SETD5: variants seen among roughly 807,000 people sequenced by gnomAD.
The protein encoded by SETD5 is SET domain containing 5.
A neutral mutation model predicts 153.3 loss-of-function variants in SETD5; 44 were observed. That is an observed-to-expected ratio of 0.29 (90% CI 0.23 to 0.37). The LOEUF is 0.37. SETD5 is among the 10% of genes least tolerant of loss of function. SETD5 has a pLI of 1.00. For synonymous variants in SETD5, 716 were observed against 645.2 expected, an observed-to-expected ratio of 1.11 and a Z score of -1.66; for missense variants, 1,544 against 1,768.0, an observed-to-expected ratio of 0.87 and a Z score of 2.27.
chr3:9,405,215 G>A (rs2035463128), intron 1 of SETD5, among the ~76,000 whole-genome samples: 1 of 152,086 alleles, frequency 6.6e-6, no homozygotes, highest in Non-Finnish European at 1.5e-5. Context: ...AATTTTCGTT[G>A]GCCGTTCACA....
intron 10 of SETD5, 29 bp downstream of exon 10, chr3:9,442,274 A>T: frequency 6.9e-7 from 1 of 1,453,388 alleles, no homozygotes; most frequent in Non-Finnish European, 9.6e-7. Flanking sequence ...CTTCCCTTTG[A>T]CTGGAACCAT....
chr3:9,449,193 A>T (rs150163993), intron 16 of SETD5, among the ~76,000 whole-genome samples: 1 of 152,162 alleles, frequency 6.6e-6, no homozygotes, highest in African/African-American at 2.4e-5. Flanking sequence ...TACAGAATCT[A>T]CCCTAAAAGA....
chr3:9,429,958 C>T, intron 3 of SETD5: 1 of 1,295,126 alleles, frequency 7.7e-7, no homozygotes, highest in South Asian at 1.3e-5. Context: ...CAGGCAGTAC[C>T]AGGGATTAGG....
intron 17 of SETD5, among the ~76,000 whole-genome samples, chr3:9,455,071 A>C (rs1308626941): frequency 6.6e-6 from 1 of 152,088 alleles, no homozygotes; most frequent in African/African-American, 2.4e-5. Context: ...TATTGCAACT[A>C]AAATCAGAAC....
chr3:9,460,677 A>C (rs1487452631), intron 17 of SETD5, among the ~76,000 whole-genome samples: 2 of 152,142 alleles, frequency 1.3e-5, no homozygotes, highest in Non-Finnish European at 2.9e-5. Context: ...ATATATTTCA[A>C]ATTAATAGGG....
chr3:9,446,205 T>C (rs1490071440), intron 13 of SETD5, among the ~76,000 whole-genome samples: 2 of 143,052 alleles, frequency 1.4e-5, no homozygotes, highest in Non-Finnish European at 3.0e-5. Context: ...GAGAATGGCA[T>C]GAACCTGGGA....
intron 16 of SETD5, among the ~76,000 whole-genome samples, chr3:9,452,368 A>G (rs1469044437): frequency 6.6e-6 from 1 of 152,242 alleles, no homozygotes; most frequent in Non-Finnish European, 1.5e-5. Flanking sequence ...GCTTTGGACA[A>G]GATGACTTCT....
At chr3:9,423,899 A>AT (rs1454769122) in intron 1 of SETD5, among the ~76,000 whole-genome samples, 8 of 152,162 alleles carry the variant, frequency 5.3e-5, no homozygotes, top group African/African-American at 1.9e-4. Context: ...TTTAAGCGCC[A>AT]TTTTTTAAGC....
intron 1 of SETD5, chr3:9,423,122 TTTTG>T (rs1262485412): frequency 2.0e-5 from 3 of 152,372 alleles, no homozygotes; most frequent in East Asian, 3.8e-4. Context: ...ATAAAACACT[TTTTG>T]TTTGTCTTCT....
intron 1 of SETD5, among the ~76,000 whole-genome samples, chr3:9,414,787 A>G (rs1395248540): frequency 6.6e-6 from 1 of 152,168 alleles, no homozygotes; most frequent in Non-Finnish European, 1.5e-5. Flanking sequence ...GAGGTCTTCA[A>G]TGGATTTGTT....
intron 7 of SETD5, 116 bp downstream of exon 7, chr3:9,436,022 T>C (rs2040521334): frequency 1.1e-6 from 1 of 913,578 alleles, no homozygotes; most frequent in Non-Finnish European, 1.7e-6. Context: ...AGGGCCACTT[T>C]TGTTCTACTT....
intron 2 of SETD5, among the ~76,000 whole-genome samples, chr3:9,428,188 G>A (rs572064083): frequency 1.3e-5 from 2 of 152,106 alleles, no homozygotes; most frequent in East Asian, 1.9e-4. Context: ...ATCTAGCAGC[G>A]TATTATTACC....
At position 9,477,628 on chromosome 3, in the gene SETD5, A is replaced by T. The variant is rs1178357199; in HGVS notation, c.*1537A>T. On this transcript the variant is annotated 3_prime_UTR_variant, in exon 23 of 23. Coordinates refer to ENST00000402198, the MANE Select transcript of SETD5 (RefSeq NM_001080517.3). ...TTCTCTCTTTGTGTGTGACTGTTACAAAATTTCACTTTTCAAAATCGAAAT... is the reference window on the plus strand; with the variant it reads ...TTCTCTCTTTGTGTGTGACTGTTACTAAATTTCACTTTTCAAAATCGAAAT... The T allele has an allele frequency of 1.3e-5, 2 of 152,002 alleles. No homozygotes were observed. The allele number at this position is 152,002 out of a possible 1,614,324, so 9.4% of individuals were successfully genotyped here.
At chr3:9,411,639 T>G (rs975587049) in intron 1 of SETD5, among the ~76,000 whole-genome samples, 1 of 152,224 alleles carries the variant, frequency 6.6e-6, no homozygotes, top group Non-Finnish European at 1.5e-5. Flanking sequence ...TGAGCATTAT[T>G]TGAGTTAATG....
chr3:9,471,056 A>G (rs1277480601), intron 19 of SETD5, 127 bp downstream of exon 19: 4 of 608,376 alleles, frequency 6.6e-6, no homozygotes, highest in Non-Finnish European at 1.2e-5. Flanking sequence ...TCTCTGCCAA[A>G]TCCAGTGAAA....
chr3:9,463,163 G>A (rs7626991), intron 17 of SETD5, among the ~76,000 whole-genome samples: 6,809 of 152,148 alleles, frequency 0.045, 496 homozygotes, highest in African/African-American at 0.15. Context: ...GGAACTGCAG[G>A]CATGCACCAC....
chr3:9,459,259 A>G (rs1481050495), intron 17 of SETD5, among the ~76,000 whole-genome samples: 5 of 152,236 alleles, frequency 3.3e-5, no homozygotes, highest in East Asian at 1.9e-4. Context: ...TGCAAAAACT[A>G]TAGGTTAAAA....
intron 1 of SETD5, chr3:9,398,578 CTGA>C (rs1325639996): frequency 5.9e-5 from 9 of 152,294 alleles, no homozygotes; most frequent in African/African-American, 2.2e-4. Flanking sequence ...CACAGCGTGT[CTGA>C]GATAGCCTCG....
Position 9,476,085 on chromosome 3 carries a change from T to C in SETD5, c.4323T>C (p.Leu1441=). ...CAGGAGTCAAGACTCAGACGGGACT[T>C]TCCTAGGGCTTCTGGATTTGGGCAA... is the stretch of plus-strand genomic sequence containing the variant. ...QGSGVKTQTG[L]S is the part of the protein sequence containing the mutation. Residue 1441 remains leucine, a synonymous_variant, in exon 23 of 23, where the codon CTT becomes CTC. Transcript: ENST00000402198. 1 of 1,611,634 alleles carries C rather than the reference T, an allele frequency of 6.2e-7. No homozygotes were observed. The highest frequency in any genetic ancestry group is 8.5e-7 in the Non-Finnish European group (1 of 1,178,332).
Sources: allele counts gnomAD v4.1 joint callset (sites outside exome capture counted in the v4.1 genomes callset), GRCh38; gene constraint gnomAD v4.1.1; transcripts MANE v1.5; gene names NCBI Gene and HGNC (gene_info 2026-07-23, HGNC 2026-07-21).